DCLRE1A: variants seen among roughly 807,000 people sequenced by gnomAD.
DCLRE1A encodes the protein DNA cross-link repair 1A protein.
A neutral mutation model predicts 91.9 loss-of-function variants in DCLRE1A; 64 were observed. That is an observed-to-expected ratio of 0.70 (90% CI 0.57 to 0.86). DCLRE1A has a LOEUF of 0.86. Ranked by LOEUF, DCLRE1A falls within the 40% of genes least tolerant of loss-of-function variation. The pLI is 0.00. For synonymous variants in DCLRE1A, 416 were observed against 431.1 expected, an observed-to-expected ratio of 0.96 and a Z score of 0.43; for missense variants, 1,145 against 1,213.3, an observed-to-expected ratio of 0.94 and a Z score of 0.84.
chr10:113,852,351 C>A (rs1301056129), intron 1 of DCLRE1A, among the ~76,000 whole-genome samples: 1 of 152,082 alleles, frequency 6.6e-6, no homozygotes, highest in African/African-American at 2.4e-5. Flanking sequence ...AATAAATAAC[C>A]AATTGGACAA....
Position 113,834,802 on chromosome 10 carries a change from C to A in DCLRE1A, c.*350G>T, listed in dbSNP as rs751643705. ...TCATAATTTTAAAGACACATAATTA[C>A]TTATATATATAATGCTTCAAACTAC... is the stretch of plus-strand genomic sequence containing the variant. On this transcript the variant is annotated 3_prime_UTR_variant, in exon 9 of 9. Transcript: ENST00000361384. 6.8e-5 allele frequency: 11 copies of A among 162,192 alleles called. No homozygotes were observed. The highest frequency in any genetic ancestry group is 1.5e-4 in the Non-Finnish European group (11 of 74,852). 10.0% of individuals were successfully genotyped at this position (162,192 alleles called of 1,614,324 possible).
At chr10:113,844,652 T>A (rs981566440) in intron 4 of DCLRE1A, among the ~76,000 whole-genome samples, 12 of 152,062 alleles carry the variant, frequency 7.9e-5, no homozygotes, top group African/African-American at 2.9e-4. Context: ...AAATCAGAAC[T>A]CGGCCAGGCA....
At chr10:113,854,169 C>T (rs1845709347), upstream of DCLRE1A, 1 of 152,558 alleles carries the variant, frequency 6.6e-6, no homozygotes, top group Non-Finnish European at 1.5e-5. Flanking sequence ...ACTCGGCACC[C>T]CAAGGGAGCC....
At position 113,849,574 on chromosome 10, in the gene DCLRE1A, C is replaced by T. The variant is rs1352620679; in HGVS notation, c.1531G>A (p.Glu511Lys). 1.9e-6 allele frequency: 3 copies of T among 1,613,928 alleles called. No homozygotes were observed. The highest frequency in any genetic ancestry group is 3.3e-4 in the Middle Eastern group (2 of 6,046). Residue 511 changes from glutamate to lysine, a missense_variant, in exon 2 of 9, where the codon GAG becomes AAG. Coordinates refer to ENST00000361384, the MANE Select transcript of DCLRE1A (RefSeq NM_014881.5). ...GTAGCTTTACCAACTGGCACACCCT[C>T]TAATGCCTTTCTGCAGAAACATGCT... ...NSACFCRKALEGVPVGKATIL... is the reference protein window; with the variant it reads ...NSACFCRKALKGVPVGKATIL...
rs1845341944 is a variant in DCLRE1A at position 113,835,056 on chromosome 10, T to A, written c.*96A>T. ...AGTATCTGAACAATCTTCATGAGGT[T>A]TTTCCACACAAAGTGTATTTCACAT... On this transcript the variant is annotated 3_prime_UTR_variant, in exon 9 of 9. Coordinates refer to ENST00000361384, the MANE Select transcript of DCLRE1A (RefSeq NM_014881.5). 4 of 1,253,882 alleles carry A rather than the reference T, an allele frequency of 3.2e-6. No homozygotes were observed. Among genetic ancestry groups the A allele is most frequent in the Non-Finnish European group, 4.4e-6 (4 of 903,214 alleles). 77.7% of individuals were successfully genotyped at this position (1,253,882 alleles called of 1,614,324 possible).
intron 1 of DCLRE1A, among the ~76,000 whole-genome samples, chr10:113,852,091 C>T (rs914715645): frequency 6.7e-4 from 102 of 152,288 alleles, no homozygotes; most frequent in African/African-American, 2.4e-3. Context: ...AATACCAGCA[C>T]TTTGGGAGGC....
rs368490659 is a variant in DCLRE1A, at chr10:113,851,722, C to CTTTT, written c.460+997_460+1000dup. ...ATTTAGAAACCACATTATATCTATA[C>CTTTT]TTTTTTTTTTTTTTTTCAGACAAGG... On this transcript the variant is annotated intron_variant, in intron 1 of 8. Coordinates refer to ENST00000361384, the MANE Select transcript of DCLRE1A (RefSeq NM_014881.5). 2.1e-5 allele frequency among the ~76,000 whole-genome samples: 3 copies of CTTTT among 141,136 alleles called. No homozygotes were observed. In the East Asian group the frequency reaches 6.1e-4, roughly 29 times the overall value. 92.6% of individuals were successfully genotyped at this position (141,136 alleles called of 152,430 possible). A position where few individuals can be genotyped will look rare whatever the true frequency, so the allele number is the denominator to read the frequency against.
Position 113,836,486 on chromosome 10 carries a change from G to GA in DCLRE1A, c.2962+575dup, listed in dbSNP as rs151116100. The stretch of plus-strand genomic sequence containing the variant: ...CACACATAAAAAAATAGGAAAAAAA[G>GA]AAAAAATAACACACCGTTTATCTTC... On this transcript the variant is annotated intron_variant, in intron 8 of 8. Coordinates refer to ENST00000361384, the MANE Select transcript of DCLRE1A (RefSeq NM_014881.5). Among the ~76,000 whole-genome samples the GA allele has an allele frequency of 5.4e-3, 822 of 152,088 alleles. 6 individuals carry two copies. Among genetic ancestry groups the GA allele is most frequent in the African/African-American group, 0.019 (785 of 41,482 alleles).
At chr10:113,840,477 T>C (rs1845429583) in intron 7 of DCLRE1A, among the ~76,000 whole-genome samples, 2 of 152,154 alleles carry the variant, frequency 1.3e-5, no homozygotes, top group South Asian at 2.1e-4. Flanking sequence ...CCTCTTCCTG[T>C]TCAAAGTGGA....
intron 3 of DCLRE1A, 102 bp from the exon 4 acceptor site, chr10:113,845,905 A>G: frequency 2.0e-6 from 2 of 984,840 alleles, no homozygotes; most frequent in Admixed American, 3.5e-5. Context: ...CCATTTTCCT[A>G]CTTATATTTA....
intron 2 of DCLRE1A, 97 bp downstream of exon 2, chr10:113,848,883 A>G (rs752133470): frequency 8.9e-5 from 102 of 1,143,888 alleles, no homozygotes; most frequent in Non-Finnish European, 1.2e-4. Context: ...CATACAAAAA[A>G]TTGTCTCATA....
chr10:113,838,117 C>G (rs754360122), intron 7 of DCLRE1A, among the ~76,000 whole-genome samples: 8 of 151,874 alleles, frequency 5.3e-5, no homozygotes, highest in Non-Finnish European at 1.2e-4. Context: ...TATTTCTTAC[C>G]AATTACTATG....
At chr10:113,852,545 C>T (rs772984757) in intron 1 of DCLRE1A, among the ~76,000 whole-genome samples, 178 bp downstream of exon 1, 1 of 152,196 alleles carries the variant, frequency 6.6e-6, no homozygotes, top group South Asian at 2.1e-4. Flanking sequence ...TGTATTTAAA[C>T]TGTTTTCTAG....
rs201379912 is a variant in DCLRE1A, at chr10:113,849,670, A to G, written c.1435T>C (p.Ser479Pro). 8.1e-6 allele frequency: 13 copies of G among 1,614,126 alleles called. No individual in the cohort carries two copies. The change falls in exon 2 of 9, where the codon TCC (serine) becomes CCC (proline). Residue 479 changes from serine (S) to proline (P), a missense_variant. Transcript: ENST00000361384. ...CTAATTGTATTTTGGGTTGGTTGGG[A>G]AGAAAGATACCCTTCTACCTGACTT... ...FESQVEGYLS[S>P]QPTQNTIRKL...
rs747217797 is a variant in DCLRE1A, at chr10:113,850,594, T to G, written c.511A>C (p.Arg171=). 6.2e-7 allele frequency: 1 copy of G among 1,613,682 alleles called. No individual in the cohort carries two copies. Among genetic ancestry groups the G allele is most frequent in the Admixed American group, 1.7e-5 (1 of 59,986 alleles). Reference sequence around the variant, plus strand: ...TGAGCTAGCAGGAAGTGAGTGTATCTCTTGTAATGAAAAGGAATGGTTGAG... The same window carrying G: ...TGAGCTAGCAGGAAGTGAGTGTATCGCTTGTAATGAAAAGGAATGGTTGAG... ...CTSTIPFHYK[R]YTHFLLAQSR... The change falls in exon 2 of 9, where the codon AGA becomes CGA. Residue 171 remains arginine, a synonymous_variant. Transcript: ENST00000361384.
intron 5 of DCLRE1A, 145 bp downstream of exon 5, chr10:113,843,959 G>T: frequency 8.9e-7 from 1 of 1,122,610 alleles, no homozygotes; most frequent in Non-Finnish European, 1.2e-6. Context: ...CCTTAAGCAA[G>T]TATATACATA....
chr10:113,842,390 A>G lies in DCLRE1A; in HGVS notation c.2618T>C (p.Leu873Pro). The G allele has an allele frequency of 6.2e-7, 1 of 1,613,958 alleles. No individual in the cohort carries two copies. Among genetic ancestry groups the G allele is most frequent in the South Asian group, 1.1e-5 (1 of 91,062 alleles). ...FEAVTLNPHA[L>P]VVCGTYSIGK... ...AATAGAGTAAGTGCCACAGACAACA[A>G]GAGCATGTGGGTTTAGAGTTACAGC... is the stretch of plus-strand genomic sequence containing the variant. The change falls in exon 6 of 9, where the codon CTT (leucine) becomes CCT (proline). Residue 873 changes from leucine to proline, a missense_variant. Transcript: ENST00000361384.
At chr10:113,839,150 C>A (rs7067924) in intron 7 of DCLRE1A, among the ~76,000 whole-genome samples, 3,122 of 151,744 alleles carry the variant, frequency 0.021, 114 homozygotes, top group African/African-American at 0.072. Context: ...ACGGTGAAAC[C>A]CCATCTCTAC....
rs200063900 is a variant in DCLRE1A at position 113,849,006 on chromosome 10, G to A, written c.2099C>T (p.Thr700Ile). The change falls in exon 2 of 9, where the codon ACA (threonine) becomes ATA (isoleucine). Residue 700 changes from threonine to isoleucine, a missense_variant. Physicochemically the swap from Thr to Ile is moderately conservative, Grantham distance 89. Transcript: ENST00000361384. Reference sequence around the variant, plus strand: ...AGGTATTTTCTTATAGAATGGACATGTCTTTTTTCTTGATCCTCCTACATT... The same window carrying A: ...AGGTATTTTCTTATAGAATGGACATATCTTTTTTCTTGATCCTCCTACATT... Reference protein sequence around the residue: ...SSNVGGSRKKTCPFYKKIPGT... With the variant: ...SSNVGGSRKKICPFYKKIPGT... The A allele has an allele frequency of 6.2e-7, 1 of 1,613,442 alleles. No individual in the cohort carries two copies. The highest frequency in any genetic ancestry group is 2.2e-5 in the East Asian group (1 of 44,870).
Sources: gnomAD v4.1 joint callset for allele counts (sites outside exome capture counted in the v4.1 genomes callset) on GRCh38, gnomAD v4.1.1 for gene constraint, MANE v1.5 for transcripts, NCBI Gene and HGNC (gene_info 2026-07-23, HGNC 2026-07-21) for gene names.